Variants in SRGAP3 observed in about 807,000 individuals in gnomAD.
The protein encoded by SRGAP3 is SLIT-ROBO Rho GTPase activating protein 3, also known as SLIT-ROBO Rho GTPase-activating protein 3.
A neutral mutation model predicts 121.1 loss-of-function variants in SRGAP3; 39 were observed. The ratio of observed to expected loss-of-function variants is 0.32; its 90% CI spans 0.25 to 0.42. The LOEUF (loss-of-function observed/expected upper bound fraction) is 0.42, where lower values mean the gene tolerates loss of function less well. Ranked by LOEUF, SRGAP3 falls within the 10% of genes least tolerant of loss-of-function variation. The pLI is 1.00. For synonymous variants in SRGAP3, 601 were observed against 570.0 expected, an observed-to-expected ratio of 1.05 and a Z score of -0.77; for missense variants, 1,213 against 1,470.6, an observed-to-expected ratio of 0.82 and a Z score of 2.86.
chr3:8,988,107 T>C (rs1282644496), intron 21 of SRGAP3, among the ~76,000 whole-genome samples: 1 of 151,504 alleles, frequency 6.6e-6, no homozygotes, highest in East Asian at 2.0e-4. Flanking sequence ...CAGCCTTGCA[T>C]TAGTCCGAGA....
At chr3:9,006,357 A>G (rs1433332468) in intron 18 of SRGAP3, among the ~76,000 whole-genome samples, 1 of 148,296 alleles carries the variant, frequency 6.7e-6, no homozygotes, top group Non-Finnish European at 1.5e-5. Context: ...CCGAGATCAC[A>G]CCACTTTACT....
rs181947628 is a variant in SRGAP3 at position 9,320,460 on chromosome 3, G to T, written n.442+5550C>A. Among the ~76,000 whole-genome samples, 142 of 151,714 alleles carry T rather than the reference G, an allele frequency of 9.4e-4. 1 individual carries two copies. Among genetic ancestry groups the T allele is most frequent in the Non-Finnish European group, 1.6e-3 (110 of 67,944 alleles). The stretch of plus-strand genomic sequence containing the variant: ...AGTGAGTGAGTTATTCTGAGATCTG[G>T]CTGTTTAAAAGTGTGCAGCACCTCC... On this transcript the variant is annotated intron_variant and non_coding_transcript_variant, in intron 3 of 3. Coordinates refer to the SRGAP3 transcript ENST00000490889.
intron 1 of SRGAP3, among the ~76,000 whole-genome samples, chr3:9,215,408 T>C (rs975654058): frequency 6.6e-6 from 1 of 152,188 alleles, no homozygotes; most frequent in African/African-American, 2.4e-5. Context: ...AGGAGGAAGC[T>C]TGGTATTTGA....
At chr3:9,159,064 G>A (rs998464790) in intron 1 of SRGAP3, among the ~76,000 whole-genome samples, 6 of 152,108 alleles carry the variant, frequency 3.9e-5, no homozygotes, top group Non-Finnish European at 8.8e-5. Flanking sequence ...GGCACCAAAG[G>A]TCAAAGGGCC....
intron 3 of SRGAP3, among the ~76,000 whole-genome samples, chr3:9,278,900 G>C (rs1385974691): frequency 6.6e-6 from 1 of 152,174 alleles, no homozygotes; most frequent in African/African-American, 2.4e-5. Flanking sequence ...TGATCTCTTA[G>C]CTCTGTTCTC....
chr3:9,175,511 G>A (rs1951145669), intron 1 of SRGAP3, among the ~76,000 whole-genome samples: 2 of 152,206 alleles, frequency 1.3e-5, no homozygotes, highest in Admixed American at 1.3e-4. Context: ...CAGCTGGATG[G>A]TCCCAGAAGG....
At chr3:9,047,287 G>C in intron 10 of SRGAP3, 104 bp downstream of exon 10, 3 of 1,181,130 alleles carry the variant, frequency 2.5e-6, no homozygotes, top group Non-Finnish European at 3.7e-6. Flanking sequence ...ATTCTGCCAG[G>C]TGCCTGCTGT....
rs138152185 is a variant in SRGAP3 at position 8,994,423 on chromosome 3, G to A, written c.2328C>T (p.Arg776=). ...KKGASLLLYH[R]ASEDWWEGRH... Reference sequence around the variant, plus strand: ...GGCCCTCCCACCAGTCCTCCGAGGCGCGGTGGTACAGGAGCAGCGAGGCCC... The same window carrying A: ...GGCCCTCCCACCAGTCCTCCGAGGCACGGTGGTACAGGAGCAGCGAGGCCC... Residue 776 remains arginine (R), a synonymous_variant, in exon 19 of 22, where the codon CGC becomes CGT. Coordinates refer to ENST00000383836, the MANE Select transcript of SRGAP3 (RefSeq NM_014850.4). 3.8e-5 allele frequency: 61 copies of A among 1,614,102 alleles called. No individual in the cohort carries two copies. The highest frequency in any genetic ancestry group is 8.0e-5 in the African/African-American group (6 of 74,936).
intron 1 of SRGAP3, among the ~76,000 whole-genome samples, chr3:9,358,722 C>T (rs1202667803): frequency 6.6e-6 from 1 of 152,194 alleles, no homozygotes; most frequent in African/African-American, 2.4e-5. Flanking sequence ...GTTTCCATGA[C>T]CCCCTCTTTG....
intron 9 of SRGAP3, among the ~76,000 whole-genome samples, chr3:9,050,124 C>T (rs1050990711): frequency 6.6e-6 from 1 of 152,232 alleles, no homozygotes; most frequent in Non-Finnish European, 1.5e-5. Flanking sequence ...CAGGCATGAG[C>T]CACTGCGCCT....
At chr3:9,318,358 A>G (rs901047126) in intron 3 of SRGAP3, among the ~76,000 whole-genome samples, 1 of 151,650 alleles carries the variant, frequency 6.6e-6, no homozygotes, top group Non-Finnish European at 1.5e-5. Context: ...AGGGCTCCAC[A>G]CAGAAAGCAG....
chr3:9,025,203 T>C (rs1944127235), intron 14 of SRGAP3, 58 bp downstream of exon 14: 2 of 1,583,050 alleles, frequency 1.3e-6, no homozygotes, highest in Admixed American at 3.3e-5. Flanking sequence ...GAGACACACG[T>C]GAATATTCAC....
At chr3:9,010,228 A>G in intron 18 of SRGAP3, 80 bp downstream of exon 18, 1 of 1,523,556 alleles carries the variant, frequency 6.6e-7, no homozygotes, top group Non-Finnish European at 9.1e-7. Flanking sequence ...TATGTGGGCC[A>G]GCCCTGTGGT....
At chr3:9,348,912 C>A in intron 1 of SRGAP3, 1 of 1,016,222 alleles carries the variant, frequency 9.8e-7, no homozygotes, top group Non-Finnish European at 1.6e-6. Context: ...CTGAAGGACA[C>A]TATTGCCAAG....
Position 9,060,251 on chromosome 3 carries a change from C to A in SRGAP3, c.781G>T (p.Asp261Tyr). 6.2e-7 allele frequency: 1 copy of A among 1,614,084 alleles called. No individual in the cohort carries two copies. Among genetic ancestry groups the A allele is most frequent in the Non-Finnish European group, 8.5e-7 (1 of 1,179,992 alleles). Residue 261 changes from aspartate (D) to tyrosine (Y), a missense_variant, in exon 6 of 22, where the codon GAT becomes TAT. By Grantham distance (160) the Asp-to-Tyr change is radical (BLOSUM62 -3). Transcript: ENST00000383836. ...NAAISKYYIH[D>Y]VSDLIDCCDL... ...CTCACATCGATCAGATCAGAGACATCATGGATGTAGTATTTGCTTATAGCT... is the reference window on the plus strand; with the variant it reads ...CTCACATCGATCAGATCAGAGACATAATGGATGTAGTATTTGCTTATAGCT...
At chr3:9,093,514 C>T (rs1947841103) in intron 3 of SRGAP3, among the ~76,000 whole-genome samples, 1 of 151,912 alleles carries the variant, frequency 6.6e-6, no homozygotes, top group Non-Finnish European at 1.5e-5. Flanking sequence ...TCCATCCGTT[C>T]ATTCATCCAT....
intron 1 of SRGAP3, among the ~76,000 whole-genome samples, chr3:9,179,425 T>C (rs971884277): frequency 1.3e-5 from 2 of 152,212 alleles, no homozygotes; most frequent in Non-Finnish European, 2.9e-5. Context: ...GAGGTAATAA[T>C]AGGCATCAAA....
intron 1 of SRGAP3, among the ~76,000 whole-genome samples, chr3:9,230,378 G>T (rs1953157839): frequency 6.6e-6 from 1 of 152,154 alleles, no homozygotes; most frequent in African/African-American, 2.4e-5. Context: ...TCTCAAACTG[G>T]ATGGGCATGC....
intron 1 of SRGAP3, among the ~76,000 whole-genome samples, chr3:9,196,100 T>C (rs961238887): frequency 6.6e-6 from 1 of 152,150 alleles, no homozygotes; most frequent in African/African-American, 2.4e-5. Context: ...AAAGAGTGGG[T>C]AGGATTTTGA....
Sources: allele counts gnomAD v4.1 joint callset (sites outside exome capture counted in the v4.1 genomes callset), GRCh38; gene constraint gnomAD v4.1.1; transcripts MANE v1.5; gene names NCBI Gene and HGNC (gene_info 2026-07-23, HGNC 2026-07-21).